The following MAP3K19 variants were observed in gnomAD, a reference collection of about 807,000 sequenced individuals.
MAP3K19 encodes SPS1/STE20-related protein kinase YSK4.
A neutral mutation model predicts 114.4 loss-of-function variants in MAP3K19; 91 were observed. The observed-to-expected ratio is 0.80, with a 90% confidence interval of 0.67 to 0.95. MAP3K19 has a LOEUF of 0.95. Ranked by LOEUF, MAP3K19 falls within the 40% of genes least tolerant of loss-of-function variation. The pLI, the probability that MAP3K19 is intolerant of heterozygous loss-of-function variation, is 0.00. For missense variants in MAP3K19, 1,471 were observed against 1,573.2 expected, an observed-to-expected ratio of 0.94 and a Z score of 1.10; for synonymous variants, 518 against 530.5, an observed-to-expected ratio of 0.98 and a Z score of 0.32.
At chr2:135,004,146 A>G in intron 6 of MAP3K19, among the ~76,000 whole-genome samples, 1 of 152,206 alleles carries the variant, frequency 6.6e-6, no homozygotes, top group East Asian at 1.9e-4. Context: ...TAACATCCCA[A>G]ATGGTGAGTT....
In MAP3K19 at chr2:135,003,011, G is replaced by A. The variant is rs535830854; in HGVS notation, c.235+2424C>T. ...TAAGGAAGAAACGAAGGTTACATGA[G>A]GTGTCAAGGGTGGGGCCCCGATCCA... On this transcript the variant is annotated intron_variant, in intron 6 of 12. Transcript: ENST00000392915. Among the ~76,000 whole-genome samples the A allele has an allele frequency of 5.9e-5, 9 of 152,262 alleles. No individual in the cohort carries two copies. The South Asian group carries it at 1.9e-3, about 32-fold the overall frequency.
chr2:134,990,190 T>C (rs1455843359), intron 9 of MAP3K19, among the ~76,000 whole-genome samples: 1 of 152,142 alleles, frequency 6.6e-6, no homozygotes, highest in East Asian at 1.9e-4. Context: ...AGGAACGATT[T>C]GCTACTCTAG....
chr2:135,035,442 T>A (rs1688505350), intron 2 of MAP3K19, among the ~76,000 whole-genome samples: 1 of 152,054 alleles, frequency 6.6e-6, no homozygotes. Context: ...AAGGAACAGC[T>A]ATACAAACAG....
At chr2:135,032,670 T>G (rs958031802) in intron 2 of MAP3K19, among the ~76,000 whole-genome samples, 4 of 147,030 alleles carry the variant, frequency 2.7e-5, no homozygotes, top group African/African-American at 1.0e-4. Context: ...GAGGGGGAGT[T>G]GGCAGGGTCA....
In MAP3K19 at chr2:135,004,447, C is replaced by A. The variant is rs192067508; in HGVS notation, c.235+988G>T. On this transcript the variant is annotated intron_variant, in intron 6 of 12. Transcript: ENST00000392915. ...TGCCCAGGAGAGGGCAGCATCGCAC[C>A]ACCTCCCGGAGGAGACGCTACTCGG... is the stretch of plus-strand genomic sequence containing the variant. Among the ~76,000 whole-genome samples the A allele has an allele frequency of 6.0e-4, 92 of 152,286 alleles. 1 individual carries two copies. Among genetic ancestry groups the A allele is most frequent in the Non-Finnish European group, 1.3e-3 (88 of 68,018 alleles).
At chr2:135,006,205 A>G (rs1409481077) in intron 5 of MAP3K19, among the ~76,000 whole-genome samples, 3 of 152,230 alleles carry the variant, frequency 2.0e-5, no homozygotes, top group African/African-American at 7.2e-5. Flanking sequence ...AGTTTCCTTC[A>G]TTCGAAGTTA....
chr2:134,999,395 T>C lies in MAP3K19; in HGVS notation c.315-398A>G, dbSNP rs1455265881. Among the ~76,000 whole-genome samples, 2 of 152,200 alleles carry C rather than the reference T, an allele frequency of 1.3e-5. No homozygotes were observed. Among genetic ancestry groups the C allele is most frequent in the Non-Finnish European group, 2.9e-5 (2 of 68,042 alleles). On this transcript the variant is annotated intron_variant, in intron 7 of 12. Transcript: ENST00000392915. The surrounding 1 kb of genome is among the most constrained non-coding windows in gnomAD (Gnocchi z 4.1). Reference sequence around the variant, plus strand: ...TCCAGTCATTGTGAACTGATACTTTTGTAAAATATAAATGAATTGCCATAA... The same window carrying C: ...TCCAGTCATTGTGAACTGATACTTTCGTAAAATATAAATGAATTGCCATAA...
At chr2:135,017,324 A>C (rs1453301967) in intron 5 of MAP3K19, among the ~76,000 whole-genome samples, 15 of 152,204 alleles carry the variant, frequency 9.9e-5, no homozygotes, top group Admixed American at 9.8e-4. Flanking sequence ...AGAATCTTCC[A>C]GTCTTTTGGC....
At chr2:135,017,564 G>A (rs1687662470) in intron 5 of MAP3K19, among the ~76,000 whole-genome samples, 1 of 152,148 alleles carries the variant, frequency 6.6e-6, no homozygotes, top group Non-Finnish European at 1.5e-5. Context: ...GTTACACAGA[G>A]TGGAAGTAGA....
chr2:134,974,450 A>G (rs1383300829), intron 12 of MAP3K19, among the ~76,000 whole-genome samples: 1 of 151,964 alleles, frequency 6.6e-6, no homozygotes, highest in African/African-American at 2.4e-5. Flanking sequence ...TTGACTTTTG[A>G]CAGTTTGACT....
chr2:135,025,027 G>C (rs1348320785), intron 3 of MAP3K19, among the ~76,000 whole-genome samples: 1 of 151,230 alleles, frequency 6.6e-6, no homozygotes, highest in Non-Finnish European at 1.5e-5. Flanking sequence ...ATTCTTTAAG[G>C]GTACATAAAA....
chr2:135,023,105 G>C (rs1688091122), intron 4 of MAP3K19: 1 of 184,620 alleles, frequency 5.4e-6, no homozygotes, highest in Non-Finnish European at 1.1e-5. Flanking sequence ...TTGAACAAGT[G>C]ATCTATACCC....
chr2:134,970,008 G>GTA (rs1683757831), intron 12 of MAP3K19, among the ~76,000 whole-genome samples: 1 of 152,040 alleles, frequency 6.6e-6, no homozygotes. Context: ...TTTGGTTACT[G>GTA]TAGCCTTGTA....
At chr2:135,039,419 C>CAG (rs1688603215) in intron 2 of MAP3K19, among the ~76,000 whole-genome samples, 1 of 140,618 alleles carries the variant, frequency 7.1e-6, no homozygotes, top group African/African-American at 2.6e-5. Context: ...CCCATGTCTC[C>CAG]AAAAAAAAAA....
At position 134,981,109 on chromosome 2, in the gene MAP3K19, A is replaced by G; in HGVS notation, c.3632T>C (p.Leu1211Ser). The G allele has an allele frequency of 1.2e-6, 2 of 1,614,214 alleles. No homozygotes were observed. The highest frequency in any genetic ancestry group is 1.7e-6 in the Non-Finnish European group (2 of 1,180,014). ...KLIDFGCARR[L>S]AWAGLNGTHS... is the part of the protein sequence containing the mutation. ...GGTGCCATTTAAACCTGCCCAGGCC[A>G]AACGCCTGGCACAGCCAAAGTCAAT... The change falls in exon 12 of 13, where the codon TTG becomes TCG. Residue 1211 changes from leucine (L) to serine (S), a missense_variant. Leu to Ser is a moderately radical substitution (Grantham distance 145, BLOSUM62 -2). Transcript: ENST00000392915.
intron 2 of MAP3K19, among the ~76,000 whole-genome samples, chr2:135,034,496 A>G (rs1362144523): frequency 7.7e-6 from 1 of 129,860 alleles, no homozygotes. Flanking sequence ...AGATCACGCC[A>G]CTGCACTCCA....
At chr2:135,036,021 A>T (rs545619764) in intron 2 of MAP3K19, among the ~76,000 whole-genome samples, 13 of 151,976 alleles carry the variant, frequency 8.6e-5, no homozygotes, top group Admixed American at 2.6e-4. Flanking sequence ...TTTAGTAGAG[A>T]CGGGGTTTCT....
intron 12 of MAP3K19, among the ~76,000 whole-genome samples, chr2:134,968,400 C>T (rs1474971513): frequency 2.7e-5 from 4 of 150,038 alleles, no homozygotes; most frequent in Admixed American, 1.3e-4. Flanking sequence ...GGGTGGTGGC[C>T]GGGCAGAGGG....
chr2:134,974,997 G>A (rs570209289), intron 12 of MAP3K19, among the ~76,000 whole-genome samples: 8 of 152,146 alleles, frequency 5.3e-5, no homozygotes, highest in African/African-American at 9.7e-5. Context: ...TTTCCTCAGC[G>A]GCTAAGTCTG....
Sources: allele counts gnomAD v4.1 joint callset (sites outside exome capture counted in the v4.1 genomes callset), GRCh38; gene constraint gnomAD v4.1.1; non-coding constraint Gnocchi (gnomAD v3.1); transcripts MANE v1.5; gene names NCBI Gene and HGNC (gene_info 2026-07-23, HGNC 2026-07-21).